Variants in PRKAR1A observed in about 807,000 individuals in gnomAD.
The protein encoded by PRKAR1A is cAMP-dependent protein kinase type I-alpha regulatory subunit.
In PRKAR1A, 3 loss-of-function variants were observed where a neutral mutation model predicts 52.0. That is an observed-to-expected ratio of 0.06 (90% CI 0.03 to 0.15). The LOEUF (loss-of-function observed/expected upper bound fraction) is 0.15, where lower values mean the gene tolerates loss of function less well. PRKAR1A is among the 10% of genes least tolerant of loss of function. The pLI, the probability that PRKAR1A is intolerant of heterozygous loss-of-function variation, is 1.00. For missense variants in PRKAR1A, 240 were observed against 477.4 expected, an observed-to-expected ratio of 0.50 and a Z score of 4.63; for synonymous variants, 188 against 168.4, an observed-to-expected ratio of 1.12 and a Z score of -0.90.
the PRKAR1A span, among the ~76,000 whole-genome samples, chr17:68,500,596 G>A: frequency 4.0e-5 from 6 of 150,730 alleles, no homozygotes; most frequent in African/African-American, 9.8e-5. Flanking sequence ...TCACTGCAAC[G>A]TACACCACCT....
intron 7 of PRKAR1A, among the ~76,000 whole-genome samples, chr17:68,527,183 C>T (rs1177772148): frequency 1.3e-5 from 2 of 152,148 alleles, no homozygotes; most frequent in Non-Finnish European, 2.9e-5. Context: ...AAATTAGGGC[C>T]TCACAATGCT....
At chr17:68,480,471 C>G in the PRKAR1A span, among the ~76,000 whole-genome samples, 2 of 152,116 alleles carry the variant, frequency 1.3e-5, no homozygotes, top group African/African-American at 4.8e-5. Flanking sequence ...TATTTCAGAT[C>G]CAAACCCACT....
upstream of PRKAR1A, among the ~76,000 whole-genome samples, chr17:68,510,054 C>A (rs1480449441): frequency 6.6e-6 from 1 of 151,990 alleles, no homozygotes; most frequent in African/African-American, 2.4e-5. Flanking sequence ...CTGACTTAAC[C>A]TTGTAGTTTG....
the PRKAR1A span, among the ~76,000 whole-genome samples, chr17:68,499,432 C>T: frequency 6.6e-6 from 1 of 150,630 alleles, no homozygotes; most frequent in African/African-American, 2.4e-5. Context: ...GCAAGACAAA[C>T]TCAGCAACAA....
the PRKAR1A span, chr17:68,420,248 A>AT: frequency 8.1e-6 from 13 of 1,613,984 alleles, no homozygotes; most frequent in African/African-American, 1.6e-4. Flanking sequence ...GTTTCCTCTG[A>AT]TTTTCAACCT....
Position 68,532,013 on chromosome 17 carries a change from T to A in PRKAR1A, c.*1564T>A. 9.4e-7 allele frequency: 1 copy of A among 1,065,348 alleles called. No individual in the cohort carries two copies. The highest frequency in any genetic ancestry group is 1.1e-6 in the Non-Finnish European group (1 of 878,994). The allele number at this position is 1,065,348 out of a possible 1,614,324, so 66.0% of individuals were successfully genotyped here. On this transcript the variant is annotated 3_prime_UTR_variant, in exon 11 of 11. Transcript: ENST00000589228. ...GGTAATTTAAATTGGTCATGGTAGA[T>A]TTTTTTCATAGATTTGAAAAACTTT... is the stretch of plus-strand genomic sequence containing the variant.
the PRKAR1A span, chr17:68,429,919 T>G: frequency 6.3e-7 from 1 of 1,596,430 alleles, no homozygotes. Flanking sequence ...TCTTTTCAGG[T>G]TTGGGGATTT....
Position 68,531,808 on chromosome 17 carries a change from GTTTAT to G in PRKAR1A, c.*1363_*1367del. The G allele has an allele frequency of 9.7e-7, 1 of 1,033,426 alleles. No homozygotes were observed. Among genetic ancestry groups the G allele is most frequent in the Non-Finnish European group, 1.2e-6 (1 of 849,966 alleles). 64.0% of individuals were successfully genotyped at this position (1,033,426 alleles called of 1,614,324 possible). The stretch of plus-strand genomic sequence containing the variant: ...TACATTATTCCAATGATACCCAACA[GTTTAT>G]TTTTATTATTTTTTTAAACAAAATT... On this transcript the variant is annotated 3_prime_UTR_variant, in exon 11 of 11. Coordinates refer to ENST00000589228, the MANE Select transcript of PRKAR1A (RefSeq NM_002734.5).
At chr17:68,512,783 C>T (rs1236796955) in intron 1 of PRKAR1A, 1 of 152,098 alleles carries the variant, frequency 6.6e-6, no homozygotes. Context: ...GCTCCCCAGC[C>T]GCCCCGCTCG....
downstream of PRKAR1A, among the ~76,000 whole-genome samples, chr17:68,534,035 T>G (rs1600504156): frequency 6.6e-6 from 1 of 152,200 alleles, no homozygotes; most frequent in Non-Finnish European, 1.5e-5. Flanking sequence ...CCCAAAGGTA[T>G]TATTATAATA....
chr17:68,418,731 A>T, the PRKAR1A span, among the ~76,000 whole-genome samples: 2 of 152,148 alleles, frequency 1.3e-5, no homozygotes, highest in Admixed American at 6.5e-5. Context: ...TTTATTTTTC[A>T]TAAGAATGCC....
chr17:68,466,257 TAGGGATTTTTGTTTCTGCTG>T, the PRKAR1A span, among the ~76,000 whole-genome samples: 1 of 152,114 alleles, frequency 6.6e-6, no homozygotes, highest in Non-Finnish European at 1.5e-5. Flanking sequence ...GCTTTGCCCA[TAGGGATTTTTGTTTCTGCTG>T]ATGAAGGCCC....
chr17:68,537,662 G>A, downstream of PRKAR1A: 1 of 1,613,910 alleles, frequency 6.2e-7, no homozygotes, highest in Admixed American at 1.7e-5. The surrounding 1 kb of genome is among the most constrained non-coding windows in gnomAD (Gnocchi z 4.2). Context: ...TCTTCCAGCA[G>A]TGATTCTCGC....
At chr17:68,456,099 T>G in the PRKAR1A span, among the ~76,000 whole-genome samples, 3 of 152,230 alleles carry the variant, frequency 2.0e-5, no homozygotes, top group Non-Finnish European at 4.4e-5. Context: ...GAATAGTGTA[T>G]GTGTTATGGG....
At chr17:68,520,025 T>C (rs1295187552) in intron 2 of PRKAR1A, among the ~76,000 whole-genome samples, 1 of 152,206 alleles carries the variant, frequency 6.6e-6, no homozygotes, top group Non-Finnish European at 1.5e-5. Flanking sequence ...AGACCAGTCA[T>C]GTGCAGTTCT....
the PRKAR1A span, among the ~76,000 whole-genome samples, chr17:68,462,774 T>C: frequency 6.6e-6 from 1 of 152,122 alleles, no homozygotes; most frequent in Non-Finnish European, 1.5e-5. Flanking sequence ...CTGTGCTTCA[T>C]CCTATGAAGG....
rs920967727 is a variant in PRKAR1A at position 68,531,808 on chromosome 17, GTTTATT to G, written c.*1366_*1371del. On this transcript the variant is annotated 3_prime_UTR_variant, in exon 11 of 11. Transcript: ENST00000589228. ...TACATTATTCCAATGATACCCAACAGTTTATTTTTATTATTTTTTTAAACAAAATTT... is the reference window on the plus strand; with the variant it reads ...TACATTATTCCAATGATACCCAACAGTTTATTATTTTTTTAAACAAAATTT... 29 of 1,033,308 alleles carry G rather than the reference GTTTATT, an allele frequency of 2.8e-5. No homozygotes were observed. The highest frequency in any genetic ancestry group is 2.0e-4 in the African/African-American group (12 of 60,260). The allele number at this position is 1,033,308 out of a possible 1,614,324, so 64.0% of individuals were successfully genotyped here. A position where few individuals can be genotyped will look rare whatever the true frequency, so the allele number is the denominator to read the frequency against.
chr17:68,457,574 C>A, the PRKAR1A span: 11 of 374,634 alleles, frequency 2.9e-5, no homozygotes. Flanking sequence ...GTCCCCACCC[C>A]GCCCCTACCC....
chr17:68,462,547 G>A, the PRKAR1A span, among the ~76,000 whole-genome samples: 2 of 152,272 alleles, frequency 1.3e-5, no homozygotes, highest in South Asian at 2.1e-4. Context: ...CTCATGTGAC[G>A]CTAACCACAT....
Sources: gnomAD v4.1 joint callset for allele counts (sites outside exome capture counted in the v4.1 genomes callset) on GRCh38, gnomAD v4.1.1 for gene constraint, Gnocchi (gnomAD v3.1) non-coding constraint, MANE v1.5 for transcripts, NCBI Gene and HGNC (gene_info 2026-07-23, HGNC 2026-07-21) for gene names.